The following TRPV4 variants were observed in gnomAD, a reference collection of about 807,000 sequenced individuals.
The protein encoded by TRPV4 is OSM9-like transient receptor potential channel 4.
In TRPV4, 58 loss-of-function variants were observed where a neutral mutation model predicts 84.1. The observed-to-expected ratio is 0.69, with a 90% CI of 0.56 to 0.86. The LOEUF is 0.86. Among genes scored for constraint, TRPV4 ranks in the 40% least tolerant of loss-of-function variants. The pLI is 0.00. For synonymous variants in TRPV4, 489 were observed against 500.9 expected (o/e 0.98, Z 0.32); for missense variants, 879 against 1,181.1 (o/e 0.74, Z 3.75).
intron 12 of TRPV4, among the ~76,000 whole-genome samples, chr12:109,790,485 G>A (rs1024541295): frequency 6.6e-6 from 1 of 152,230 alleles, no homozygotes; most frequent in East Asian, 1.9e-4. Flanking sequence ...GGGAGCTGAT[G>A]TTGGGCTTTA....
chr12:109,792,567 G>T, intron 11 of TRPV4, 85 bp downstream of exon 11: 1 of 1,590,862 alleles, frequency 6.3e-7, no homozygotes, highest in Admixed American at 1.7e-5. Context: ...GCATCCTCAG[G>T]TCTGCAGGTG....
intron 4 of TRPV4, among the ~76,000 whole-genome samples, chr12:109,802,409 C>T (rs1460578971): frequency 1.3e-5 from 2 of 151,186 alleles, no homozygotes. Context: ...TCAAGCGATT[C>T]TCCTGCCTCA....
At chr12:109,823,822 C>G (rs972113854) in intron 1 of TRPV4, among the ~76,000 whole-genome samples, 1 of 152,094 alleles carries the variant, frequency 6.6e-6, no homozygotes, top group African/African-American at 2.4e-5. Flanking sequence ...TCTAAATGAC[C>G]CTTCCAGGCT....
chr12:109,799,997 C>A (rs1338410400), intron 5 of TRPV4, among the ~76,000 whole-genome samples: 2 of 151,996 alleles, frequency 1.3e-5, no homozygotes, highest in Admixed American at 6.6e-5. Context: ...AGCTGGAGTG[C>A]AATGGGGAAA....
chr12:109,823,474 T>C (rs1892166352), intron 1 of TRPV4, among the ~76,000 whole-genome samples: 1 of 152,170 alleles, frequency 6.6e-6, no homozygotes, highest in Non-Finnish European at 1.5e-5. Flanking sequence ...ACCAAGTCAT[T>C]TCCAAGGGTC....
chr12:109,809,425 GATCCATCCATCCATCCACCCACTCATCC>G (rs1319766317), intron 2 of TRPV4, among the ~76,000 whole-genome samples: 2 of 91,050 alleles, frequency 2.2e-5, no homozygotes, highest in African/African-American at 8.4e-5. Context: ...ATCCCTCACT[GATCCATCCATCCATCCACCCACTCATCC>G]ATCCATCCAT....
rs541606391 is a variant in TRPV4 at position 109,793,528 on chromosome 12, AG to A, written c.1656del (p.Tyr553ThrfsTer8). On this transcript the variant is annotated frameshift_variant and splice_region_variant, in exon 10 of 16. Transcript: ENST00000261740. LOFTEE classifies it high-confidence loss of function. The surrounding 1 kb of genome is among the most constrained non-coding windows in gnomAD (Gnocchi z 4.0). ...GCCGGCCCAGGGACCTCTACTCACTAGAGCAGCTGGAAGGAGCCATCAATGA... is the reference window on the plus strand; with the variant it reads ...GCCGGCCCAGGGACCTCTACTCACTAAGCAGCTGGAAGGAGCCATCAATGA... ...SLFIDGSFQLLYFIYSVLVIV... is the reference protein window; with the variant it reads ...SLFIDGSFQLXYFIYSVLVIV... The A allele has an allele frequency of 4.6e-4, 750 of 1,613,662 alleles. 3 individuals are homozygous for A. Among genetic ancestry groups the A allele is most frequent in the Non-Finnish European group, 4.1e-4 (478 of 1,179,698 alleles).
At chr12:109,831,195 C>G (rs993550214) in intron 1 of TRPV4, among the ~76,000 whole-genome samples, 2 of 152,198 alleles carry the variant, frequency 1.3e-5, no homozygotes, top group African/African-American at 4.8e-5. Context: ...GGTGTAGCCA[C>G]CTGGTAACAG....
At chr12:109,802,614 A>ATTTT (rs34679148) in intron 4 of TRPV4, among the ~76,000 whole-genome samples, 17 of 103,532 alleles carry the variant, frequency 1.6e-4, no homozygotes, top group African/African-American at 7.6e-4. Context: ...CTTTTATTTT[A>ATTTT]TTTTTTTTTT....
intron 1 of TRPV4, among the ~76,000 whole-genome samples, chr12:109,821,538 ATT>A (rs11312179): frequency 1.0e-3 from 156 of 149,846 alleles, no homozygotes; most frequent in African/African-American, 3.5e-3. Context: ...CTATATATGT[ATT>A]TTTTTTTTCA....
At chr12:109,792,569 C>G in intron 11 of TRPV4, 83 bp downstream of exon 11, 1 of 1,594,864 alleles carries the variant, frequency 6.3e-7, no homozygotes, top group Non-Finnish European at 8.6e-7. Context: ...ATCCTCAGGT[C>G]TGCAGGTGCA....
intron 1 of TRPV4, among the ~76,000 whole-genome samples, chr12:109,816,700 C>T (rs1286907909): frequency 1.2e-4 from 18 of 152,232 alleles, no homozygotes. Flanking sequence ...ATCACTTGAA[C>T]CCAGGAGGCA....
intron 1 of TRPV4, among the ~76,000 whole-genome samples, chr12:109,821,933 G>A (rs866317064): frequency 1.3e-5 from 2 of 152,110 alleles, no homozygotes; most frequent in African/African-American, 4.8e-5. Flanking sequence ...CATTCAGCAT[G>A]GTGCTGAAGC....
At chr12:109,823,341 A>C (rs1892162855) in intron 1 of TRPV4, among the ~76,000 whole-genome samples, 1 of 152,076 alleles carries the variant, frequency 6.6e-6, no homozygotes, top group South Asian at 2.1e-4. Flanking sequence ...GGGGTGACTC[A>C]CCGCGCCCCA....
intron 1 of TRPV4, among the ~76,000 whole-genome samples, chr12:109,825,986 C>T (rs1892242397): frequency 6.6e-6 from 1 of 152,152 alleles, no homozygotes; most frequent in South Asian, 2.1e-4. Flanking sequence ...ATCAGTAATG[C>T]CTACCCTCCA....
At chr12:109,820,850 T>C (rs1012483655) in intron 1 of TRPV4, among the ~76,000 whole-genome samples, 3 of 152,052 alleles carry the variant, frequency 2.0e-5, no homozygotes, top group African/African-American at 7.2e-5. Flanking sequence ...GGGATCGTAA[T>C]AGGGTCGTTG....
Position 109,793,871 on chromosome 12 carries a change from G to C in TRPV4, c.1584+59C>G. 1 of 1,235,066 alleles carries C rather than the reference G, an allele frequency of 8.1e-7. No individual in the cohort carries two copies. The highest frequency in any genetic ancestry group is 1.2e-6 in the Non-Finnish European group (1 of 849,542). The allele number at this position is 1,235,066 out of a possible 1,614,324, so 76.5% of individuals were successfully genotyped here. On this transcript the variant is annotated intron_variant, in intron 9 of 15. Transcript: ENST00000261740. The surrounding 1 kb of genome is among the most constrained non-coding windows in gnomAD (Gnocchi z 4.0). ...AAGAGAAAAAGAGGGAGAGAAAAGAGGTGCAGGAAGAGAAGAGGAGGGCAG... is the reference window on the plus strand; with the variant it reads ...AAGAGAAAAAGAGGGAGAGAAAAGACGTGCAGGAAGAGAAGAGGAGGGCAG...
rs761801079 is a variant in TRPV4 at position 109,793,611 on chromosome 12, G to A, written c.1585-11C>T. ...GAACAAGTCTTTGATCTGGAAGACA[G>A]GAGGGGGCACGTGAAAGGGGTGGGG... On this transcript the variant is annotated splice_polypyrimidine_tract_variant and intron_variant, in intron 9 of 15. Transcript: ENST00000261740. The surrounding 1 kb of genome is among the most constrained non-coding windows in gnomAD (Gnocchi z 4.0). 6.2e-7 allele frequency: 1 copy of A among 1,613,144 alleles called. No individual in the cohort carries two copies. The highest frequency in any genetic ancestry group is 1.1e-5 in the South Asian group (1 of 91,062).
At chr12:109,784,020 T>C (rs1889522586) in intron 15 of TRPV4, among the ~76,000 whole-genome samples, 1 of 152,160 alleles carries the variant, frequency 6.6e-6, no homozygotes, top group South Asian at 2.1e-4. Flanking sequence ...CCTCTCCAGC[T>C]GCGTCTCGCG....
Sources: allele counts gnomAD v4.1 joint callset (sites outside exome capture counted in the v4.1 genomes callset), GRCh38; gene constraint gnomAD v4.1.1; non-coding constraint Gnocchi (gnomAD v3.1); transcripts MANE v1.5; gene names NCBI Gene and HGNC (gene_info 2026-07-23, HGNC 2026-07-21).